HIPK3: variants seen among roughly 807,000 people sequenced by gnomAD.
HIPK3 encodes homeodomain interacting protein kinase 3, also known as homeodomain-interacting protein kinase 3.
HIPK3 carries 47 observed loss-of-function variants against 124.2 expected under a neutral mutation model. The ratio of observed to expected loss-of-function variants is 0.38; its 90% CI spans 0.30 to 0.48. The LOEUF (loss-of-function observed/expected upper bound fraction) is 0.48, where lower values mean the gene tolerates loss of function less well. HIPK3 is among the 20% of genes least tolerant of loss of function. The probability of loss-of-function intolerance (pLI) is 0.98; values close to 1 mark genes in which losing one functional copy is unlikely to be tolerated. For missense variants in HIPK3, 1,286 were observed against 1,454.3 expected, an observed-to-expected ratio of 0.88 and a Z score of 1.88; for synonymous variants, 482 against 515.2, an observed-to-expected ratio of 0.94 and a Z score of 0.87.
chr11:33,333,855 G>T (rs999652936), intron 3 of HIPK3, among the ~76,000 whole-genome samples: 1 of 152,096 alleles, frequency 6.6e-6, no homozygotes, highest in African/African-American at 2.4e-5. Flanking sequence ...TTGAAGATTG[G>T]CACCATATTT....
At chr11:33,342,724 T>G (rs926854786) in intron 8 of HIPK3, among the ~76,000 whole-genome samples, 2 of 152,082 alleles carry the variant, frequency 1.3e-5, no homozygotes, top group Admixed American at 1.3e-4. Context: ...CCTGGCTAAT[T>G]TTGTATTTTT....
chr11:33,265,429 A>G (rs962141138), intron 1 of HIPK3, among the ~76,000 whole-genome samples: 2 of 152,222 alleles, frequency 1.3e-5, no homozygotes, highest in African/African-American at 4.8e-5. Flanking sequence ...GCCACAAAAA[A>G]GATAGAAATT....
chr11:33,277,979 G>A (rs1277725792), intron 1 of HIPK3, among the ~76,000 whole-genome samples: 2 of 152,112 alleles, frequency 1.3e-5, no homozygotes, highest in Admixed American at 6.5e-5. Flanking sequence ...TCAGTTACGT[G>A]TATTGCAAAT....
intron 2 of HIPK3, among the ~76,000 whole-genome samples, chr11:33,311,852 A>C: frequency 6.7e-6 from 1 of 148,316 alleles, no homozygotes. Flanking sequence ...ACACACACAC[A>C]CACACACACA....
At chr11:33,258,784 T>C in intron 1 of HIPK3, 3 of 941,600 alleles carry the variant, frequency 3.2e-6, no homozygotes, top group Non-Finnish European at 3.8e-6. Flanking sequence ...TTGGACTTGT[T>C]ACAGAGTAGT....
intron 13 of HIPK3, 54 bp downstream of exon 13, chr11:33,348,872 C>A: frequency 1.3e-6 from 2 of 1,496,606 alleles, no homozygotes; most frequent in Admixed American, 2.0e-5. Flanking sequence ...CTTTGGTGTG[C>A]CGAAAAACAA....
chr11:33,260,971 A>C (rs1031965964), intron 1 of HIPK3, among the ~76,000 whole-genome samples: 3 of 119,612 alleles, frequency 2.5e-5, no homozygotes, highest in African/African-American at 8.9e-5. Flanking sequence ...CAGTGTGTTT[A>C]TTTTTTAAAA....
At chr11:33,296,794 T>G (rs944618697) in intron 2 of HIPK3, among the ~76,000 whole-genome samples, 3 of 152,200 alleles carry the variant, frequency 2.0e-5, no homozygotes, top group African/African-American at 7.2e-5. Flanking sequence ...CTGGCCTCCC[T>G]ATTACCTGAG....
At position 33,337,098 on chromosome 11, in the gene HIPK3, A is replaced by T. The variant is rs766088113; in HGVS notation, c.1245A>T (p.Gln415His). 2 of 1,601,940 alleles carry T rather than the reference A, an allele frequency of 1.2e-6. No homozygotes were observed. Among genetic ancestry groups the T allele is most frequent in the Non-Finnish European group, 1.7e-6 (2 of 1,172,806 alleles). ...YDQIRYISQTQGLPGEQLLNV... is the reference protein window; with the variant it reads ...YDQIRYISQTHGLPGEQLLNV... ...AGATTCGATACATTTCTCAGACTCA[A>T]GGTTTGCCAGGAGAACAGTTGTTAA... Residue 415 changes from glutamine (Q) to histidine (H), a missense_variant, in exon 4 of 17, where the codon CAA becomes CAT. Gln to His is a conservative substitution (Grantham distance 24, BLOSUM62 0). Around this residue, in one of 3 missense-constraint regions of HIPK3, gnomAD observed 251 missense variants for 349.1 expected, o/e 0.72. Coordinates refer to ENST00000303296, the MANE Select transcript of HIPK3 (RefSeq NM_005734.5).
chr11:33,302,360 A>G (rs1420186728), intron 2 of HIPK3, among the ~76,000 whole-genome samples: 1 of 19,884 alleles, frequency 5.0e-5, no homozygotes, highest in Admixed American at 4.9e-4. Flanking sequence ...TTTTTTTGAG[A>G]AGGAGTCTGA....
intron 3 of HIPK3, among the ~76,000 whole-genome samples, chr11:33,336,054 C>CAT (rs1366961268): frequency 1.3e-5 from 2 of 151,994 alleles, no homozygotes; most frequent in African/African-American, 4.8e-5. Flanking sequence ...AAAGTAAATG[C>CAT]ATAGAATATT....
intron 14 of HIPK3, among the ~76,000 whole-genome samples, 164 bp downstream of exon 14, chr11:33,349,451 T>C (rs1853594475): frequency 6.6e-6 from 1 of 152,152 alleles, no homozygotes. Flanking sequence ...GTTTGTTTGT[T>C]TGTTTGTTTG....
chr11:33,279,840 C>T (rs1315146784), intron 1 of HIPK3, among the ~76,000 whole-genome samples: 1 of 152,008 alleles, frequency 6.6e-6, no homozygotes, highest in Non-Finnish European at 1.5e-5. Context: ...AAAGATGGCG[C>T]CCTTTTGCTG....
intron 1 of HIPK3, among the ~76,000 whole-genome samples, chr11:33,286,088 A>G (rs942217743): frequency 4.6e-5 from 7 of 152,144 alleles, no homozygotes; most frequent in African/African-American, 1.7e-4. Flanking sequence ...AAATGTTGGC[A>G]CCGTTTCTAG....
At chr11:33,264,923 A>C (rs1470828251) in intron 1 of HIPK3, among the ~76,000 whole-genome samples, 1 of 152,210 alleles carries the variant, frequency 6.6e-6, no homozygotes, top group Non-Finnish European at 1.5e-5. Flanking sequence ...ATTACATGTT[A>C]TCTCTTTAAT....
intron 11 of HIPK3, 58 bp downstream of exon 11, chr11:33,348,071 GCATGTACTCTAAAGGGTCA>G (rs890677872): frequency 6.2e-7 from 1 of 1,609,514 alleles, no homozygotes; most frequent in African/African-American, 1.3e-5. Context: ...AATGAATTTT[GCATGTACTCTAAAGGGTCA>G]CTCTGTTGTA....
chr11:33,342,102 CAAAAAAA>C (rs58073130), intron 8 of HIPK3, among the ~76,000 whole-genome samples: 15 of 55,584 alleles, frequency 2.7e-4, no homozygotes, highest in South Asian at 1.5e-3. Context: ...GACTCTGTCT[CAAAAAAA>C]AAAAAAAAAA....
At chr11:33,318,529 A>G (rs1170835215) in intron 2 of HIPK3, among the ~76,000 whole-genome samples, 2 of 152,226 alleles carry the variant, frequency 1.3e-5, no homozygotes, top group African/African-American at 2.4e-5. Flanking sequence ...AAAAGTTTTT[A>G]TATGAATATC....
chr11:33,308,613 G>GGTGT (rs10628141), intron 2 of HIPK3, among the ~76,000 whole-genome samples: 17,669 of 147,366 alleles, frequency 0.12, 1,250 homozygotes, highest in East Asian at 0.26. Flanking sequence ...TGTGCCTAGG[G>GGTGT]GTGTGTGTGT....
Sources: allele counts gnomAD v4.1 joint callset (sites outside exome capture counted in the v4.1 genomes callset), GRCh38; gene constraint gnomAD v4.1.1; regional missense constraint gnomAD v4.1.1; transcripts MANE v1.5; gene names NCBI Gene and HGNC (gene_info 2026-07-23, HGNC 2026-07-21).